The following ANKRD17 variants were observed in gnomAD, a reference collection of about 807,000 sequenced individuals.
The protein encoded by ANKRD17 is ankyrin repeat domain 17.
ANKRD17 carries 19 observed loss-of-function variants against 229.7 expected under a neutral mutation model. That is an observed-to-expected ratio of 0.08 (90% CI 0.06 to 0.12). The LOEUF (loss-of-function observed/expected upper bound fraction) is 0.12, where lower values mean the gene tolerates loss of function less well. ANKRD17 is among the 10% of genes least tolerant of loss of function. The pLI is 1.00. For missense variants in ANKRD17, 2,176 were observed against 3,176.8 expected, an observed-to-expected ratio of 0.68 and a Z score of 7.57; for synonymous variants, 1,112 against 1,146.1, an observed-to-expected ratio of 0.97 and a Z score of 0.60.
chr4:73,238,793 C>T (rs1347705218), intron 1 of ANKRD17, among the ~76,000 whole-genome samples: 1 of 152,078 alleles, frequency 6.6e-6, no homozygotes, highest in South Asian at 2.1e-4. Flanking sequence ...GGTAAGAAGG[C>T]AGTACAATAT....
intron 29 of ANKRD17, 92 bp from the exon 30 acceptor site, chr4:73,085,538 A>T: frequency 9.0e-7 from 1 of 1,106,214 alleles, no homozygotes; most frequent in Non-Finnish European, 1.3e-6. Context: ...AATATATTCA[A>T]AACTATTTTA....
chr4:73,155,981 A>G, intron 4 of ANKRD17, 38 bp downstream of exon 4: 1 of 1,538,270 alleles, frequency 6.5e-7, no homozygotes, highest in Non-Finnish European at 8.7e-7. Flanking sequence ...CCAGTTTTTA[A>G]AAAAACAACA....
chr4:73,081,472 T>C (rs999329705), intron 30 of ANKRD17, among the ~76,000 whole-genome samples: 1 of 152,198 alleles, frequency 6.6e-6, no homozygotes, highest in Non-Finnish European at 1.5e-5. Flanking sequence ...TGGGCCTATA[T>C]TCCTTTTCAT....
rs150041447 is a variant in ANKRD17, at chr4:73,190,659, A to G, written c.394-13126T>C. ...GCTATCATTTGCAGAAAATACAGCCATCCTTCTAGAAACTTCAAGAGAAGC... is the reference window on the plus strand; with the variant it reads ...GCTATCATTTGCAGAAAATACAGCCGTCCTTCTAGAAACTTCAAGAGAAGC... On this transcript the variant is annotated intron_variant, in intron 1 of 33. Coordinates refer to ENST00000358602, the MANE Select transcript of ANKRD17 (RefSeq NM_032217.5). Among the ~76,000 whole-genome samples, 742 of 152,100 alleles carry G rather than the reference A, an allele frequency of 4.9e-3. 8 individuals are homozygous for G. The highest frequency in any genetic ancestry group is 0.017 in the African/African-American group (694 of 41,558).
At chr4:73,191,576 C>T (rs529155253) in intron 1 of ANKRD17, among the ~76,000 whole-genome samples, 241 of 151,004 alleles carry the variant, frequency 1.6e-3, no homozygotes, top group Middle Eastern at 3.4e-3. Context: ...TTCAAAGATG[C>T]CATAAAATAA....
At position 73,244,198 on chromosome 4, in the gene ANKRD17, A is replaced by T. The variant is rs887620967; in HGVS notation, c.393+14078T>A. On this transcript the variant is annotated intron_variant, in intron 1 of 33. Transcript: ENST00000358602. ...CTGATTGAACCTTAATTACATTTTT[A>T]AAGGACTTATCTCCAAGTACAATCA... Among the ~76,000 whole-genome samples the T allele has an allele frequency of 2.0e-5, 3 of 152,166 alleles. No individual in the cohort carries two copies. The East Asian group carries it at 5.8e-4, about 29-fold the overall frequency.
At chr4:73,214,174 C>G (rs1345188822) in intron 1 of ANKRD17, among the ~76,000 whole-genome samples, 1 of 152,160 alleles carries the variant, frequency 6.6e-6, no homozygotes, top group African/African-American at 2.4e-5. Flanking sequence ...CAAGGTTTTT[C>G]TCCGGCTCTT....
chr4:73,197,557 C>T (rs1294090433), intron 1 of ANKRD17, among the ~76,000 whole-genome samples: 1 of 152,164 alleles, frequency 6.6e-6, no homozygotes, highest in Non-Finnish European at 1.5e-5. Context: ...AGGCCAGGTG[C>T]CATGGCTCAT....
At chr4:73,209,669 A>C (rs1348069496) in intron 1 of ANKRD17, among the ~76,000 whole-genome samples, 1 of 152,230 alleles carries the variant, frequency 6.6e-6, no homozygotes, top group Non-Finnish European at 1.5e-5. Context: ...AAGAAAAATA[A>C]AGAGCACTAT....
At position 73,091,026 on chromosome 4, in the gene ANKRD17, G is replaced by C. The variant is rs753077569; in HGVS notation, c.6602C>G (p.Ala2201Gly). The C allele has an allele frequency of 6.2e-7, 1 of 1,614,094 alleles. No individual in the cohort carries two copies. The highest frequency in any genetic ancestry group is 8.5e-7 in the Non-Finnish European group (1 of 1,180,036). Residue 2201 changes from alanine (A) to glycine (G), a missense_variant, in exon 29 of 34, where the codon GCA (alanine) becomes GGA (glycine). Ala to Gly is a moderately conservative substitution (Grantham distance 60, BLOSUM62 0). Around this residue, in one of 18 missense-constraint regions of ANKRD17, gnomAD observed 424 missense variants for 454.0 expected, o/e 0.93. Coordinates refer to ENST00000358602, the MANE Select transcript of ANKRD17 (RefSeq NM_032217.5). ...TTTAATGTGATTGACACTGAGGACT[G>C]CAACAGATGAATTTTGCACTGAAGC... Reference protein sequence around the residue: ...NSASVQNSSVAVLSVNHIKRP... With the variant: ...NSASVQNSSVGVLSVNHIKRP...
intron 25 of ANKRD17, 85 bp downstream of exon 25, chr4:73,102,291 A>G (rs535099671): frequency 1.3e-4 from 176 of 1,393,160 alleles, no homozygotes; most frequent in Non-Finnish European, 1.6e-4. Context: ...ACTTGAAAGC[A>G]TATTTTCAAG....
chr4:73,113,734 G>T (rs1263449448), intron 24 of ANKRD17, 58 bp downstream of exon 24: 2 of 1,237,072 alleles, frequency 1.6e-6, no homozygotes, highest in African/African-American at 3.0e-5. Flanking sequence ...CAAATCAAAA[G>T]AAGAGAAAAC....
intron 1 of ANKRD17, among the ~76,000 whole-genome samples, chr4:73,210,958 T>C (rs1297320777): frequency 6.6e-6 from 1 of 152,158 alleles, no homozygotes; most frequent in Non-Finnish European, 1.5e-5. Flanking sequence ...TTTCCTTTGG[T>C]CTTAATTTAC....
In ANKRD17 at chr4:73,219,687, T is replaced by C. The variant is rs76318069; in HGVS notation, c.393+38589A>G. Among the ~76,000 whole-genome samples, 92 of 152,316 alleles carry C rather than the reference T, an allele frequency of 6.0e-4. 3 individuals are homozygous for C. In the East Asian group the frequency reaches 0.017, roughly 28 times the overall value. On this transcript the variant is annotated intron_variant, in intron 1 of 33. Transcript: ENST00000358602. ...ACAGAACCATAGAGAGTTGGCACTT[T>C]TATTTTATATACCACAACCTATAAC...
chr4:73,136,982 T>TTTG (rs1553920694), intron 15 of ANKRD17, among the ~76,000 whole-genome samples: 23 of 50,374 alleles, frequency 4.6e-4, no homozygotes, highest in African/African-American at 1.7e-3. Context: ...ATTACAGAGT[T>TTTG]TTTTTTTTTT....
intron 25 of ANKRD17, among the ~76,000 whole-genome samples, chr4:73,099,488 A>T (rs1723701602): frequency 6.6e-6 from 1 of 152,092 alleles, no homozygotes. Flanking sequence ...TAGTAGCAAC[A>T]CTGCTCTCTG....
At chr4:73,185,173 C>T (rs112608134) in intron 1 of ANKRD17, among the ~76,000 whole-genome samples, 44 of 148,828 alleles carry the variant, frequency 3.0e-4, no homozygotes, top group African/African-American at 9.6e-4. Context: ...TGATGTTTTC[C>T]GAAGAAAAAA....
intron 1 of ANKRD17, among the ~76,000 whole-genome samples, chr4:73,225,861 C>CAAAAAAAAAAAAAA (rs375866026): frequency 3.0e-5 from 2 of 66,696 alleles, no homozygotes; most frequent in African/African-American, 5.6e-5. Flanking sequence ...GACTCTGTCT[C>CAAAAAAAAAAAAAA]AAAAAAAAAA....
intron 8 of ANKRD17, 103 bp downstream of exon 8, chr4:73,148,710 T>C (rs549609176): frequency 1.1e-4 from 117 of 1,050,972 alleles, no homozygotes; most frequent in Middle Eastern, 6.5e-4. Context: ...TAATAGCTCA[T>C]TGCAACTCTA....
Sources: gnomAD v4.1 joint callset for allele counts (sites outside exome capture counted in the v4.1 genomes callset) on GRCh38, gnomAD v4.1.1 for gene constraint, gnomAD v4.1.1 regional missense constraint, MANE v1.5 for transcripts, NCBI Gene and HGNC (gene_info 2026-07-23, HGNC 2026-07-21) for gene names.